The following CFAP43 variants were observed in gnomAD, a reference collection of about 807,000 sequenced individuals.
CFAP43 encodes cilia and flagella associated protein 43, also known as cilia- and flagella-associated protein 43.
In CFAP43, 155 loss-of-function variants were observed where a neutral mutation model predicts 218.9. The observed-to-expected ratio is 0.71, with a 90% confidence interval of 0.62 to 0.81. CFAP43 has a LOEUF of 0.81. CFAP43 is among the 30% of genes least tolerant of loss of function. CFAP43 has a pLI of 0.00. For synonymous variants in CFAP43, 645 were observed against 681.3 expected (o/e 0.95, Z 0.83); for missense variants, 1,778 against 1,954.3 (o/e 0.91, Z 1.70).
intron 3 of CFAP43, among the ~76,000 whole-genome samples, chr10:104,224,662 G>A (rs567063906): frequency 2.0e-5 from 3 of 150,116 alleles, no homozygotes; most frequent in East Asian, 2.0e-4. Context: ...GGCTGAGGCA[G>A]GAGAATTGCT....
rs369253889 is a variant in CFAP43 at position 104,184,260 on chromosome 10, G to T, written c.2141+756C>A. ...ATGATAATAGTACCTCCCTAAAACG[G>T]ATCCCCTCCTTGTTTGGGGACTGAA... On this transcript the variant is annotated intron_variant, in intron 16 of 37. Coordinates refer to ENST00000357060, the MANE Select transcript of CFAP43 (RefSeq NM_025145.7). 1.6e-4 allele frequency among the ~76,000 whole-genome samples: 25 copies of T among 152,162 alleles called. No homozygotes were observed. The East Asian group carries it at 2.5e-3, about 15-fold the overall frequency.
intron 29 of CFAP43, among the ~76,000 whole-genome samples, chr10:104,147,179 C>T (rs2088016010): frequency 6.6e-6 from 1 of 150,742 alleles, no homozygotes; most frequent in Admixed American, 6.7e-5. Flanking sequence ...CCCAGACTCT[C>T]TGAGATGGTA....
intron 3 of CFAP43, among the ~76,000 whole-genome samples, chr10:104,220,417 C>T (rs1400362118): frequency 6.6e-6 from 1 of 152,100 alleles, no homozygotes; most frequent in African/African-American, 2.4e-5. Flanking sequence ...CTTCCCTGAC[C>T]ATTCCCCTCC....
intron 32 of CFAP43, 70 bp downstream of exon 32, chr10:104,143,356 A>G: frequency 5.8e-6 from 8 of 1,378,334 alleles, no homozygotes; most frequent in Non-Finnish European, 7.9e-6. Context: ...TTTTGGTTAC[A>G]CTGACCAATG....
chr10:104,142,970 A>G (rs936182629), intron 32 of CFAP43, among the ~76,000 whole-genome samples: 7 of 152,242 alleles, frequency 4.6e-5, no homozygotes, highest in African/African-American at 1.7e-4. Flanking sequence ...ATTCTGTAGT[A>G]GCCGCATTAT....
intron 6 of CFAP43, among the ~76,000 whole-genome samples, chr10:104,207,241 C>T (rs899908150): frequency 6.6e-6 from 1 of 151,874 alleles, no homozygotes; most frequent in Admixed American, 6.6e-5. Context: ...GGCTTTTGGG[C>T]TTAACAGATG....
chr10:104,203,386 C>T, intron 8 of CFAP43: 1 of 376,782 alleles, frequency 2.7e-6, no homozygotes, highest in Non-Finnish European at 4.7e-6. Flanking sequence ...ATGGAGGCAG[C>T]AGAGAGGAAA....
At position 104,147,977 on chromosome 10, in the gene CFAP43, G is replaced by C. The variant is rs2088059071; in HGVS notation, c.3682C>G (p.Leu1228Val). The C allele has an allele frequency of 5.7e-6, 9 of 1,586,062 alleles. No homozygotes were observed. Among genetic ancestry groups the C allele is most frequent in the Non-Finnish European group, 7.7e-6 (9 of 1,165,068 alleles). ...TNQEELKISN[L>V]AFSLLLDEEL... ...TCATCCAACAATAAAGAAAATGCAA[G>C]GTTACTTATTTTCAGTTCCTCCTGT... The change falls in exon 29 of 38, where the codon CTT becomes GTT. Residue 1228 changes from leucine (L) to valine (V), a missense_variant. By Grantham distance (32) the Leu-to-Val change is conservative. This residue lies in a region of CFAP43 where 1,553 missense variants were observed against 1,685.2 expected (regional missense o/e 0.92). Coordinates refer to ENST00000357060, the MANE Select transcript of CFAP43 (RefSeq NM_025145.7).
At chr10:104,225,318 G>A (rs977921436) in intron 3 of CFAP43, 143 bp downstream of exon 3, 4 of 676,468 alleles carry the variant, frequency 5.9e-6, no homozygotes, top group Non-Finnish European at 7.3e-6. Context: ...CATAGCAACT[G>A]TATTAAAACT....
rs1174651672 is a variant in CFAP43, at chr10:104,221,917, T to C, written c.416+3544A>G. Among the ~76,000 whole-genome samples, 4 of 152,142 alleles carry C rather than the reference T, an allele frequency of 2.6e-5. No individual in the cohort carries two copies. The East Asian group carries it at 7.7e-4, about 29-fold the overall frequency. ...AAACTGCTGGTGGTGGTATTGCTGG[T>C]GTATAGCACATTGTCTTTGCTTATG... On this transcript the variant is annotated intron_variant, in intron 3 of 37. Transcript: ENST00000357060.
rs2090161913 is a variant in CFAP43, at chr10:104,190,113, G to C, written c.1547-1703C>G. 2.0e-5 allele frequency among the ~76,000 whole-genome samples: 3 copies of C among 146,728 alleles called. No homozygotes were observed. The South Asian group carries it at 6.5e-4, about 32-fold the overall frequency. ...ATCACGCCACTGCACTCCAGCCTGG[G>C]CGACAGAGCGAGACTCCATCTCAAA... On this transcript the variant is annotated intron_variant, in intron 12 of 37. Coordinates refer to ENST00000357060, the MANE Select transcript of CFAP43 (RefSeq NM_025145.7).
intron 11 of CFAP43, 102 bp downstream of exon 11, chr10:104,193,764 T>C: frequency 6.4e-6 from 9 of 1,412,918 alleles, no homozygotes; most frequent in Non-Finnish European, 8.5e-6. Flanking sequence ...TCAAAACAAA[T>C]GAAACACGTA....
chr10:104,213,749 A>G (rs1285739628), intron 4 of CFAP43, among the ~76,000 whole-genome samples: 2 of 151,884 alleles, frequency 1.3e-5, no homozygotes, highest in Non-Finnish European at 2.9e-5. Flanking sequence ...GTTAGCCAGG[A>G]TGGTCTCGAT....
At position 104,161,059 on chromosome 10, in the gene CFAP43, T is replaced by C; in HGVS notation, c.3518A>G (p.Glu1173Gly). The C allele has an allele frequency of 2.5e-6, 4 of 1,610,252 alleles. No individual in the cohort carries two copies. Among genetic ancestry groups the C allele is most frequent in the Non-Finnish European group, 3.4e-6 (4 of 1,176,916 alleles). The stretch of plus-strand genomic sequence containing the variant: ...GACCTTTCTATACTTATCTCTTTCT[T>C]CATTTAACTCCTTTACTTTTTTCTC... ...DYEKKVKELN[E>G]ERDKYRKSLE... The change falls in exon 27 of 38, where the codon GAA (glutamate) becomes GGA (glycine). Residue 1173 changes from glutamate (E) to glycine (G), a missense_variant. Glu to Gly is a moderately conservative substitution (Grantham distance 98). Coordinates refer to ENST00000357060, the MANE Select transcript of CFAP43 (RefSeq NM_025145.7).
intron 18 of CFAP43, 61 bp from the exon 19 acceptor site, chr10:104,179,167 G>A: frequency 7.3e-7 from 1 of 1,371,100 alleles, no homozygotes; most frequent in Non-Finnish European, 1.0e-6. Flanking sequence ...GAGAGAGAGA[G>A]AGAGAGAGAG....
Position 104,179,897 on chromosome 10 carries a change from T to A in CFAP43, c.2325A>T (p.Glu775Asp). 1 of 1,613,918 alleles carries A rather than the reference T, an allele frequency of 6.2e-7. No homozygotes were observed. The highest frequency in any genetic ancestry group is 8.5e-7 in the Non-Finnish European group (1 of 1,179,916). Residue 775 changes from glutamate to aspartate, a missense_variant, in exon 18 of 38, where the codon GAA (glutamate) becomes GAT (aspartate). Physicochemically the swap from Glu to Asp is conservative, Grantham distance 45. Coordinates refer to ENST00000357060, the MANE Select transcript of CFAP43 (RefSeq NM_025145.7). Reference sequence around the variant, plus strand: ...CCTTCTTAACATCGGTTAGAACTAATTCATCTTGTGATAAGTCAGTGCTTG... The same window carrying A: ...CCTTCTTAACATCGGTTAGAACTAAATCATCTTGTGATAAGTCAGTGCTTG... The part of the protein sequence containing the change: ...QKASTDLSQD[E>D]LVLTDVKKEI...
Position 104,230,707 on chromosome 10 carries a change from C to A in CFAP43, c.202G>T (p.Val68Leu). Residue 68 changes from valine to leucine, a missense_variant, in exon 2 of 38, where the codon GTG becomes TTG. Physicochemically the swap from Val to Leu is conservative, Grantham distance 32 (BLOSUM62 1). Around this residue, in one of 3 missense-constraint regions of CFAP43, gnomAD observed 1,553 missense variants for 1,685.2 expected, o/e 0.92. Coordinates refer to ENST00000357060, the MANE Select transcript of CFAP43 (RefSeq NM_025145.7). Reference sequence around the variant, plus strand: ...GGGATGTTAGTTGCCATGACGCCCACAATTCCATTACTACACTGCAGTACA... The same window carrying A: ...GGGATGTTAGTTGCCATGACGCCCAAAATTCCATTACTACACTGCAGTACA... ...KTVLQCSNGIVGVMATNIPCE... is the reference protein window; with the variant it reads ...KTVLQCSNGILGVMATNIPCE... The A allele has an allele frequency of 6.2e-7, 1 of 1,614,052 alleles. No individual in the cohort carries two copies. The highest frequency in any genetic ancestry group is 1.1e-5 in the South Asian group (1 of 91,080).
At position 104,162,309 on chromosome 10, in the gene CFAP43, C is replaced by T. The variant is rs759834425; in HGVS notation, c.3333+8G>A. The T allele has an allele frequency of 5.6e-6, 9 of 1,612,990 alleles. No individual in the cohort carries two copies. Among genetic ancestry groups the T allele is most frequent in the Non-Finnish European group, 7.6e-6 (9 of 1,178,958 alleles). ...GTCTTAGGACCTGTGTTAAGCAAAG[C>T]TACATGCCTGTATCAGAAGCCAGTG... is the stretch of plus-strand genomic sequence containing the variant. On this transcript the variant is annotated splice_region_variant and intron_variant, in intron 25 of 37. Transcript: ENST00000357060.
At position 104,166,558 on chromosome 10, in the gene CFAP43, G is replaced by T; in HGVS notation, c.2969C>A (p.Thr990Asn). The change falls in exon 23 of 38, where the codon ACC becomes AAC. Residue 990 changes from threonine to asparagine, a missense_variant. Physicochemically the swap from Thr to Asn is moderately conservative, Grantham distance 65. Coordinates refer to ENST00000357060, the MANE Select transcript of CFAP43 (RefSeq NM_025145.7). ...CTCCAATTGGCTTGACAATAAAGAG[G>T]TATCTACCCCAAAATCAGTACTCAG... is the stretch of plus-strand genomic sequence containing the variant. Reference protein sequence around the residue: ...GSLSTDFGVDTSLLSSQLELH... With the variant: ...GSLSTDFGVDNSLLSSQLELH... 1 of 1,614,046 alleles carries T rather than the reference G, an allele frequency of 6.2e-7. No homozygotes were observed. The highest frequency in any genetic ancestry group is 8.5e-7 in the Non-Finnish European group (1 of 1,179,994).
Sources: allele counts gnomAD v4.1 joint callset (sites outside exome capture counted in the v4.1 genomes callset), GRCh38; gene constraint gnomAD v4.1.1; regional missense constraint gnomAD v4.1.1; transcripts MANE v1.5; gene names NCBI Gene and HGNC (gene_info 2026-07-23, HGNC 2026-07-21).